Variants in PNPLA2 observed in about 807,000 individuals in gnomAD.
PNPLA2 encodes patatin like domain 2, triacylglycerol lipase.
Under a neutral mutation model 39.7 loss-of-function variants are expected in PNPLA2, and 28 were observed. The ratio of observed to expected loss-of-function variants is 0.70; its 90% CI spans 0.52 to 0.97. The LOEUF is 0.97. Ranked by LOEUF, PNPLA2 falls within the 50% of genes least tolerant of loss-of-function variation. The pLI is 0.00. For missense variants in PNPLA2, 768 were observed against 698.2 expected (o/e 1.10, Z -1.13); for synonymous variants, 392 against 321.1 (o/e 1.22, Z -2.36).
chr11:822,363 T>C (rs1232649221), intron 4 of PNPLA2, 34 bp from the exon 5 acceptor site: 1 of 1,584,094 alleles, frequency 6.3e-7, no homozygotes, highest in Non-Finnish European at 8.7e-7. Context: ...CCACAGGCCC[T>C]CACATACGGT....
chr11:821,566 A>C (rs1488565780), intron 2 of PNPLA2, 62 bp from the exon 3 acceptor site: 1 of 1,161,752 alleles, frequency 8.6e-7, no homozygotes, highest in African/African-American at 1.5e-5. Flanking sequence ...TGGGGCTATG[A>C]AGGAAGGTGG....
chr11:822,403 G>A lies in PNPLA2; in HGVS notation c.493G>A (p.Val165Met), dbSNP rs751072211. The A allele has an allele frequency of 8.0e-5, 129 of 1,613,622 alleles. No homozygotes were observed. Among genetic ancestry groups the A allele is most frequent in the Middle Eastern group, 1.6e-4 (1 of 6,082 alleles). Residue 165 changes from valine (V) to methionine (M), a missense_variant, in exon 5 of 10, where the codon GTG (valine) becomes ATG (methionine). By Grantham distance (21) the Val-to-Met change is conservative (BLOSUM62 1). Transcript: ENST00000336615. The part of the protein sequence containing the change: ...IPPSLQGVRY[V>M]DGGISDNLPL... ...TCTGTGTGTCCCGTGGAAGCGCTAC[G>A]TGGATGGTGGCATTTCAGACAACCT...
Position 824,712 on chromosome 11 carries a change from G to A in PNPLA2, c.1365G>A (p.Pro455=), listed in dbSNP as rs370430327. Residue 455 remains proline, a synonymous_variant, in exon 10 of 10, where the codon CCG becomes CCA. Transcript: ENST00000336615. ...LGLFCTNVAF[P]PEALRMRAPA... ...TCTTCTGCACCAACGTGGCCTTCCC[G>A]CCCGAAGCTCTGCGCATGCGCGCAC... 2 of 1,589,680 alleles carry A rather than the reference G, an allele frequency of 1.3e-6. No homozygotes were observed. Among genetic ancestry groups the A allele is most frequent in the Non-Finnish European group, 1.7e-6 (2 of 1,175,452 alleles).
intron 5 of PNPLA2, among the ~76,000 whole-genome samples, chr11:823,065 AT>A (rs1006167656): frequency 2.1e-4 from 29 of 139,272 alleles, no homozygotes; most frequent in Non-Finnish European, 3.3e-4. Flanking sequence ...TTATTTTTTT[AT>A]TTTTTTTTTG....
chr11:823,577 G>A lies in PNPLA2; in HGVS notation c.747G>A (p.Leu249=), dbSNP rs140959695. 4.0e-5 allele frequency: 64 copies of A among 1,610,824 alleles called. No individual in the cohort carries two copies. The Middle Eastern group carries it at 5.0e-4, about 12-fold the overall frequency. The change falls in exon 6 of 10, where the codon CTG becomes CTA. Residue 249 remains leucine, a synonymous_variant. Transcript: ENST00000336615. Reference sequence around the variant, plus strand: ...GATACCGGGATGGCCTGCGCTTTCTGCAGCGGAACGGTGCGCGGACCCGGG... The same window carrying A: ...GATACCGGGATGGCCTGCGCTTTCTACAGCGGAACGGTGCGCGGACCCGGG... The part of the protein sequence containing the change: ...KQGYRDGLRF[L]QRNGLLNRPN...
At position 824,671 on chromosome 11, in the gene PNPLA2, C is replaced by T. The variant is rs779439572; in HGVS notation, c.1324C>T (p.Gln442Ter). Residue 442 changes from glutamine to a stop codon, truncating the protein, a stop_gained, in exon 10 of 10, where the codon CAG becomes TAG. Coordinates refer to ENST00000336615, the MANE Select transcript of PNPLA2 (RefSeq NM_020376.4). LOFTEE classifies it low-confidence loss of function (END_TRUNC). ...ALAKWEECQR[Q>*]LLLGLFCTNV... ...GGCCAAGTGGGAGGAGTGCCAGCGC[C>T]AGCTGCTGCTCGGCCTCTTCTGCAC... 1 of 1,597,138 alleles carries T rather than the reference C, an allele frequency of 6.3e-7. No individual in the cohort carries two copies. The highest frequency in any genetic ancestry group is 2.2e-5 in the East Asian group (1 of 44,616).
At chr11:822,669 C>A in intron 5 of PNPLA2, 63 bp downstream of exon 5, 3 of 1,362,308 alleles carry the variant, frequency 2.2e-6, no homozygotes, top group Non-Finnish European at 3.1e-6. Flanking sequence ...CAAGGGAGAA[C>A]ACTGATCCTT....
intron 2 of PNPLA2, chr11:821,301 C>T (rs759949760): frequency 2.2e-6 from 1 of 445,726 alleles, no homozygotes; most frequent in Non-Finnish European, 4.2e-6. Context: ...TGGATCTGGC[C>T]AAGTGGGTGA....
Position 824,743 on chromosome 11 carries a change from G to A in PNPLA2, c.1396G>A (p.Asp466Asn), listed in dbSNP as rs1166778655. 1.9e-6 allele frequency: 3 copies of A among 1,575,478 alleles called. No individual in the cohort carries two copies. Among genetic ancestry groups the A allele is most frequent in the African/African-American group, 1.3e-5 (1 of 74,254 alleles). ...PEALRMRAPA[D>N]PAPAPADPAS... is the part of the protein sequence containing the mutation. ...AGCTCTGCGCATGCGCGCACCCGCC[G>A]ACCCGGCTCCCGCCCCCGCGGACCC... is the stretch of plus-strand genomic sequence containing the variant. The change falls in exon 10 of 10, where the codon GAC becomes AAC. Residue 466 changes from aspartate to asparagine, a missense_variant. Coordinates refer to ENST00000336615, the MANE Select transcript of PNPLA2 (RefSeq NM_020376.4).
chr11:821,726 A>T lies in PNPLA2; in HGVS notation c.286A>T (p.Ser96Cys). The T allele has an allele frequency of 6.2e-7, 1 of 1,613,994 alleles. No individual in the cohort carries two copies. Among genetic ancestry groups the T allele is most frequent in the South Asian group, 1.1e-5 (1 of 91,090 alleles). Reference protein sequence around the residue: ...PSFNLVKIIRSFLLKVLPADS... With the variant: ...PSFNLVKIIRCFLLKVLPADS... ...CTTCAACCTGGTAAAGATCATCCGC[A>T]GTTTCCTGCTGAAGGTCCTGCCTGC... The change falls in exon 3 of 10, where the codon AGT (serine) becomes TGT (cysteine). Residue 96 changes from serine (S) to cysteine (C), a missense_variant. Transcript: ENST00000336615.
chr11:820,496 C>T (rs1453055715), intron 2 of PNPLA2, among the ~76,000 whole-genome samples: 1 of 152,246 alleles, frequency 6.6e-6, no homozygotes, highest in Admixed American at 6.5e-5. Flanking sequence ...CGTTTGCACA[C>T]TTCATGGGTG....
chr11:821,826 T>A lies in PNPLA2; in HGVS notation c.386T>A (p.Ile129Lys). ...GTGTCAGACGGCGAGAATGTCATTATATCCCACTTCAACTCCAAGGACGAG... is the reference window on the plus strand; with the variant it reads ...GTGTCAGACGGCGAGAATGTCATTAAATCCCACTTCAACTCCAAGGACGAG... ...TRVSDGENVI[I>K]SHFNSKDELI... The change falls in exon 3 of 10, where the codon ATA (isoleucine) becomes AAA (lysine). Residue 129 changes from isoleucine (I) to lysine (K), a missense_variant. Coordinates refer to ENST00000336615, the MANE Select transcript of PNPLA2 (RefSeq NM_020376.4). 1 of 1,613,964 alleles carries A rather than the reference T, an allele frequency of 6.2e-7. No homozygotes were observed. The highest frequency in any genetic ancestry group is 8.5e-7 in the Non-Finnish European group (1 of 1,180,016).
At chr11:822,818 C>CTT (rs1304414253) in intron 5 of PNPLA2, among the ~76,000 whole-genome samples, 18 of 112,230 alleles carry the variant, frequency 1.6e-4, no homozygotes, top group African/African-American at 4.8e-4. Flanking sequence ...CAGTCTCTCT[C>CTT]TCTTTTTTTT....
rs1465947507 is a variant in PNPLA2 at position 824,579 on chromosome 11, C to T, written c.1232C>T (p.Ser411Phe). The T allele has an allele frequency of 1.9e-6, 3 of 1,579,146 alleles. No individual in the cohort carries two copies. The highest frequency in any genetic ancestry group is 3.6e-5 in the Admixed American group (2 of 56,074). Residue 411 changes from serine to phenylalanine, a missense_variant, in exon 10 of 10, where the codon TCC becomes TTC. Physicochemically the swap from Ser to Phe is radical, Grantham distance 155 (BLOSUM62 -2). Coordinates refer to ENST00000336615, the MANE Select transcript of PNPLA2 (RefSeq NM_020376.4). ...CAGTCGCTGCCGTCCGTGCCGCTGT[C>T]CTGCGCCGCCTACAGAGAGGCACTG... ...RVQSLPSVPL[S>F]CAAYREALPG... is the part of the protein sequence containing the mutation.
chr11:819,893 G>A lies in PNPLA2; in HGVS notation c.175G>A (p.Gly59Arg), dbSNP rs1307595199. Residue 59 changes from glycine to arginine, a missense_variant, in exon 2 of 10, where the codon GGG (glycine) becomes AGG (arginine). Gly to Arg is a moderately radical substitution (Grantham distance 125). Coordinates refer to ENST00000336615, the MANE Select transcript of PNPLA2 (RefSeq NM_020376.4). Reference protein sequence around the residue: ...GALTATALVTGVCLGEAGAKF... With the variant: ...GALTATALVTRVCLGEAGAKF... ...GCTCACGGCCACGGCGCTGGTCACC[G>A]GGGTCTGCCTGGGTGAGCGGGGCCG... The A allele has an allele frequency of 7.0e-7, 1 of 1,424,976 alleles. No individual in the cohort carries two copies. The highest frequency in any genetic ancestry group is 9.2e-7 in the Non-Finnish European group (1 of 1,089,568). The allele number at this position is 1,424,976 out of a possible 1,614,324, so 88.3% of individuals were successfully genotyped here.
At chr11:819,503 C>T (rs12785771) in intron 1 of PNPLA2, 71 bp from the exon 2 acceptor site, 1 of 1,248,882 alleles carries the variant, frequency 8.0e-7, no homozygotes, top group Non-Finnish European at 1.0e-6. Flanking sequence ...CCCGATTGGT[C>T]TTCGTGTGCC....
In PNPLA2 at chr11:824,969, T is replaced by A; in HGVS notation, c.*107T>A. The A allele has an allele frequency of 4.4e-6, 4 of 916,324 alleles. No homozygotes were observed. Among genetic ancestry groups the A allele is most frequent in the South Asian group, 2.8e-5 (2 of 71,144 alleles). The allele number at this position is 916,324 out of a possible 1,614,324, so 56.8% of individuals were successfully genotyped here. The stretch of plus-strand genomic sequence containing the variant: ...AGAGGGGTCTTTGCCGTGGGCCCCC[T>A]CGCCAGCCACTCACCAGCTGCATGC... On this transcript the variant is annotated 3_prime_UTR_variant, in exon 10 of 10. Coordinates refer to ENST00000336615, the MANE Select transcript of PNPLA2 (RefSeq NM_020376.4).
At chr11:822,321 G>T (rs1307210087) in intron 4 of PNPLA2, 76 bp from the exon 5 acceptor site, 19 of 1,333,760 alleles carry the variant, frequency 1.4e-5, no homozygotes, top group Non-Finnish European at 2.0e-5. Context: ...TTGGTGGCCG[G>T]GTGGGGTGGC....
chr11:820,109 G>T (rs1175223243), intron 2 of PNPLA2, among the ~76,000 whole-genome samples: 2 of 152,028 alleles, frequency 1.3e-5, no homozygotes, highest in Admixed American at 6.5e-5. Flanking sequence ...CTCCGAGGGT[G>T]CCCGGGGCCC....
Sources: gnomAD v4.1 joint callset for allele counts (sites outside exome capture counted in the v4.1 genomes callset) on GRCh38, gnomAD v4.1.1 for gene constraint, MANE v1.5 for transcripts, NCBI Gene and HGNC (gene_info 2026-07-23, HGNC 2026-07-21) for gene names.